Variants in TOX observed in about 807,000 individuals in gnomAD.
TOX encodes the protein thymocyte selection associated high mobility group box, also known as thymocyte selection-associated high mobility group box protein TOX.
A neutral mutation model predicts 53.7 loss-of-function variants in TOX; 11 were observed. The ratio of observed to expected loss-of-function variants is 0.20; its 90% CI spans 0.13 to 0.34. The LOEUF is 0.34. Among genes scored for constraint, TOX ranks in the 10% least tolerant of loss-of-function variants. The pLI, the probability that TOX is intolerant of heterozygous loss-of-function variation, is 1.00. For missense variants in TOX, 570 were observed against 664.6 expected, an observed-to-expected ratio of 0.86 and a Z score of 1.56; for synonymous variants, 225 against 245.3, an observed-to-expected ratio of 0.92 and a Z score of 0.77.
chr8:58,854,829 C>T (rs904653208), intron 3 of TOX, among the ~76,000 whole-genome samples: 5 of 152,088 alleles, frequency 3.3e-5, no homozygotes, highest in African/African-American at 1.2e-4. Context: ...TTCCACTTAC[C>T]TTGTTTTCCT....
At chr8:59,072,858 C>T (rs1804222405) in intron 1 of TOX, among the ~76,000 whole-genome samples, 1 of 152,108 alleles carries the variant, frequency 6.6e-6, no homozygotes, top group Non-Finnish European at 1.5e-5. Context: ...TTCACATTTT[C>T]ATTAAAATTT....
At chr8:59,111,210 GACTT>G (rs891502581) in intron 1 of TOX, among the ~76,000 whole-genome samples, 9 of 152,106 alleles carry the variant, frequency 5.9e-5, no homozygotes, top group African/African-American at 2.2e-4. Context: ...AGTCAACATA[GACTT>G]AACGGCACTT....
chr8:58,888,456 A>G (rs919842836), intron 3 of TOX, among the ~76,000 whole-genome samples: 1 of 152,110 alleles, frequency 6.6e-6, no homozygotes, highest in African/African-American at 2.4e-5. Flanking sequence ...AAAAGAACTC[A>G]ATATCATTAA....
chr8:58,959,164 T>C (rs1348163411), intron 2 of TOX, among the ~76,000 whole-genome samples: 1 of 152,228 alleles, frequency 6.6e-6, no homozygotes, highest in African/African-American at 2.4e-5. Context: ...CTTTCACTTA[T>C]TCGTTTATTT....
chr8:59,076,232 G>A (rs1048662073), intron 1 of TOX, among the ~76,000 whole-genome samples: 1 of 152,198 alleles, frequency 6.6e-6, no homozygotes, highest in Non-Finnish European at 1.5e-5. Flanking sequence ...TGAAGTGAAA[G>A]TCACGCTGCA....
chr8:58,883,568 A>G (rs990125937), intron 3 of TOX, among the ~76,000 whole-genome samples: 7 of 152,170 alleles, frequency 4.6e-5, no homozygotes, highest in African/African-American at 1.7e-4. Context: ...AATTTCTCCA[A>G]AGCTTTGATT....
At chr8:58,941,390 A>G (rs1296658166) in intron 2 of TOX, among the ~76,000 whole-genome samples, 1 of 152,216 alleles carries the variant, frequency 6.6e-6, no homozygotes, top group African/African-American at 2.4e-5. Flanking sequence ...GAGAAAATTG[A>G]GACTCAGAAA....
chr8:58,847,055 T>A (rs754769339), intron 4 of TOX, among the ~76,000 whole-genome samples: 1 of 152,136 alleles, frequency 6.6e-6, no homozygotes, highest in Non-Finnish European at 1.5e-5. Context: ...AGGCCAAGTG[T>A]GGTTCTTGAT....
At chr8:58,878,126 C>T (rs372230244) in intron 3 of TOX, among the ~76,000 whole-genome samples, 1 of 151,966 alleles carries the variant, frequency 6.6e-6, no homozygotes, top group Non-Finnish European at 1.5e-5. Flanking sequence ...TGATGTTTAT[C>T]CCATCTTGAC....
intron 2 of TOX, among the ~76,000 whole-genome samples, chr8:58,956,680 C>T (rs1812714482): frequency 6.6e-6 from 1 of 152,194 alleles, no homozygotes; most frequent in Non-Finnish European, 1.5e-5. Context: ...CAACTCACTG[C>T]AACCTCCACC....
intron 1 of TOX, among the ~76,000 whole-genome samples, chr8:59,037,698 G>A (rs766464368): frequency 2.0e-5 from 3 of 151,384 alleles, no homozygotes; most frequent in Non-Finnish European, 2.9e-5. Context: ...GCTACTTGGG[G>A]GGCTGAAGCA....
chr8:59,106,424 G>A (rs892668025), intron 1 of TOX, among the ~76,000 whole-genome samples: 8 of 152,262 alleles, frequency 5.3e-5, no homozygotes, highest in South Asian at 4.1e-4. Context: ...CATCATCCAA[G>A]TATATTATAA....
At chr8:59,013,688 C>T (rs150040244) in intron 1 of TOX, among the ~76,000 whole-genome samples, 16 of 152,190 alleles carry the variant, frequency 1.1e-4, no homozygotes, top group African/African-American at 3.9e-4. Flanking sequence ...GGATTACAGG[C>T]GTGAGCCAGC....
chr8:58,914,929 G>A (rs1299968690), intron 3 of TOX, among the ~76,000 whole-genome samples: 1 of 152,078 alleles, frequency 6.6e-6, no homozygotes, highest in East Asian at 1.9e-4. Flanking sequence ...CCGAGTCAAA[G>A]AAAGGGGTGA....
In TOX at chr8:59,047,564, AT is replaced by A. The variant is rs35966391; in HGVS notation, c.102+71321del. Among the ~76,000 whole-genome samples, 668 of 144,106 alleles carry A rather than the reference AT, an allele frequency of 4.6e-3. 2 individuals are homozygous for A. The highest frequency in any genetic ancestry group is 7.0e-3 in the Non-Finnish European group (455 of 65,462). 94.5% of individuals were successfully genotyped at this position (144,106 alleles called of 152,430 possible). On this transcript the variant is annotated intron_variant, in intron 1 of 8. Coordinates refer to ENST00000361421, the MANE Select transcript of TOX (RefSeq NM_014729.3). ...TAGAGCCCTTAGAGACTCATCAGAG[AT>A]TTTTTTTTTTTCCTAGAGACGGGGT...
At chr8:58,998,087 G>C (rs1336188201) in intron 1 of TOX, among the ~76,000 whole-genome samples, 1 of 151,994 alleles carries the variant, frequency 6.6e-6, no homozygotes, top group Non-Finnish European at 1.5e-5. Context: ...TTACATAAAT[G>C]CTCAGACTTG....
chr8:58,863,686 T>A (rs1233926813), intron 3 of TOX, among the ~76,000 whole-genome samples: 1 of 152,174 alleles, frequency 6.6e-6, no homozygotes, highest in East Asian at 1.9e-4. Context: ...GAACCTAGAA[T>A]GACTGAATTT....
intron 1 of TOX, among the ~76,000 whole-genome samples, chr8:59,058,292 C>T (rs1563432765): frequency 6.6e-6 from 1 of 152,138 alleles, no homozygotes; most frequent in Non-Finnish European, 1.5e-5. Context: ...GCTTGGGAGA[C>T]AGCACTGCTT....
At chr8:58,962,937 T>C (rs1245413821) in intron 1 of TOX, among the ~76,000 whole-genome samples, 2 of 152,268 alleles carry the variant, frequency 1.3e-5, no homozygotes, top group African/African-American at 4.8e-5. Flanking sequence ...CATGAGGGTG[T>C]TTCTGAGCGA....
Sources: gnomAD v4.1 joint callset for allele counts (sites outside exome capture counted in the v4.1 genomes callset) on GRCh38, gnomAD v4.1.1 for gene constraint, MANE v1.5 for transcripts, NCBI Gene and HGNC (gene_info 2026-07-23, HGNC 2026-07-21) for gene names.